The following ACSL1 variants were observed in gnomAD, a reference collection of about 807,000 sequenced individuals.
ACSL1 encodes the protein long-chain-fatty-acid--CoA ligase 1.
Under a neutral mutation model 98.4 loss-of-function variants are expected in ACSL1, and 41 were observed. That is an observed-to-expected ratio of 0.42 (90% confidence interval 0.32 to 0.54). The LOEUF is 0.54. ACSL1 is among the 20% of genes least tolerant of loss of function. The pLI is 0.13. For synonymous variants in ACSL1, 316 were observed against 322.7 expected, an observed-to-expected ratio of 0.98 and a Z score of 0.22; for missense variants, 734 against 883.1, an observed-to-expected ratio of 0.83 and a Z score of 2.14.
intron 2 of ACSL1, among the ~76,000 whole-genome samples, chr4:184,791,144 G>T (rs1768278975): frequency 6.6e-6 from 1 of 152,214 alleles, no homozygotes; most frequent in Non-Finnish European, 1.5e-5. Flanking sequence ...TATACCTCTT[G>T]ACACAACAGA....
chr4:184,792,003 G>T (rs1054671248), intron 2 of ACSL1, among the ~76,000 whole-genome samples: 2 of 152,154 alleles, frequency 1.3e-5, no homozygotes, highest in African/African-American at 4.8e-5. Context: ...CACTGCTCTG[G>T]AGGACCATTT....
intron 5 of ACSL1, among the ~76,000 whole-genome samples, chr4:184,779,997 C>T (rs538337332): frequency 1.3e-5 from 2 of 152,172 alleles, no homozygotes; most frequent in East Asian, 1.9e-4. Flanking sequence ...CTCAGCCTCC[C>T]GAGTAGCTGG....
chr4:184,815,349 G>A (rs1183433811), intron 1 of ACSL1, among the ~76,000 whole-genome samples: 1 of 152,168 alleles, frequency 6.6e-6, no homozygotes. Flanking sequence ...ACCGTCAGGA[G>A]CCTCTGCCTC....
In ACSL1 at chr4:184,773,966, T is replaced by C. The variant is rs1299605742; in HGVS notation, c.757-91A>G. 6.9e-7 allele frequency: 1 copy of C among 1,445,244 alleles called. No homozygotes were observed. The highest frequency in any genetic ancestry group is 9.6e-7 in the Non-Finnish European group (1 of 1,037,482). The allele number at this position is 1,445,244 out of a possible 1,614,324, so 89.5% of individuals were successfully genotyped here. ...TCGAGTCACTTAAAGCTGGCTTTAC[T>C]GTGGGGTTCATTCACACCTGGCTCG... On this transcript the variant is annotated intron_variant, in intron 7 of 20. Transcript: ENST00000281455. This position sits in a 1 kb window ranked among gnomAD's most constrained non-coding sequence, Gnocchi z 4.3.
intron 10 of ACSL1, among the ~76,000 whole-genome samples, chr4:184,772,821 T>C (rs540327366): frequency 5.9e-5 from 9 of 152,334 alleles, no homozygotes; most frequent in Admixed American, 5.9e-4. Flanking sequence ...AATATCCAAA[T>C]AGAGTTTCTC....
At chr4:184,762,575 G>GA (rs776334981) in intron 16 of ACSL1, 52 bp from the exon 17 acceptor site, 1 of 1,506,406 alleles carries the variant, frequency 6.6e-7, no homozygotes, top group Non-Finnish European at 9.2e-7. Flanking sequence ...TTTTTCCAGA[G>GA]AAAACTGGTG....
intron 2 of ACSL1, among the ~76,000 whole-genome samples, chr4:184,796,646 AC>A (rs1769423148): frequency 1.3e-5 from 2 of 152,224 alleles, no homozygotes; most frequent in African/African-American, 4.8e-5. Flanking sequence ...ATGCCTAAAA[AC>A]ATCCCAGATT....
chr4:184,773,209 G>C lies in ACSL1; in HGVS notation c.842-55C>G. The C allele has an allele frequency of 6.6e-7, 1 of 1,509,744 alleles. No homozygotes were observed. Among genetic ancestry groups the C allele is most frequent in the Non-Finnish European group, 9.2e-7 (1 of 1,089,298 alleles). The allele number at this position is 1,509,744 out of a possible 1,614,324, so 93.5% of individuals were successfully genotyped here. On this transcript the variant is annotated intron_variant, in intron 9 of 20. Coordinates refer to ENST00000281455, the MANE Select transcript of ACSL1 (RefSeq NM_001995.5). This position sits in a 1 kb window ranked among gnomAD's most constrained non-coding sequence, Gnocchi z 4.3. ...TTAAAGAATGACAGAAATGAAGGAG[G>C]CCCAGAAACCTCACATAATTAGGGC... is the stretch of plus-strand genomic sequence containing the variant.
intron 2 of ACSL1, among the ~76,000 whole-genome samples, chr4:184,789,634 C>T (rs972363947): frequency 9.9e-5 from 15 of 152,208 alleles, no homozygotes; most frequent in East Asian, 1.9e-4. Flanking sequence ...TTCTCTAAGT[C>T]GTCTTCATCT....
chr4:184,765,767 T>C, intron 14 of ACSL1, 124 bp downstream of exon 14: 1 of 744,830 alleles, frequency 1.3e-6, no homozygotes, highest in South Asian at 2.1e-5. Flanking sequence ...ACGCCATAAA[T>C]ATAGATACGC....
At chr4:184,780,470 G>C in intron 4 of ACSL1, 37 bp from the exon 5 acceptor site, 1 of 1,514,364 alleles carries the variant, frequency 6.6e-7, no homozygotes, top group Non-Finnish European at 9.1e-7. Flanking sequence ...GCAGCATTGG[G>C]CCCCAACTCC....
At chr4:184,820,633 CTCACTCTG>C (rs1465596616) in intron 1 of ACSL1, among the ~76,000 whole-genome samples, 1 of 152,114 alleles carries the variant, frequency 6.6e-6, no homozygotes, top group South Asian at 2.1e-4. Context: ...GAGACAGAGT[CTCACTCTG>C]TCACCCAGGC....
rs1045129869 is a variant in ACSL1 at position 184,825,346 on chromosome 4, T to C, written c.-33+570A>G. Reference sequence around the variant, plus strand: ...AGTGCAAGGGCCACGGGCACTCCTCTGGAGTCACCGAGAGAATGTCTGCCT... The same window carrying C: ...AGTGCAAGGGCCACGGGCACTCCTCCGGAGTCACCGAGAGAATGTCTGCCT... On this transcript the variant is annotated intron_variant, in intron 1 of 20. Coordinates refer to ENST00000281455, the MANE Select transcript of ACSL1 (RefSeq NM_001995.5). The surrounding 1 kb of genome is among the most constrained non-coding windows in gnomAD (Gnocchi z 4.7). 1 of 641,244 alleles carries C rather than the reference T, an allele frequency of 1.6e-6. No individual in the cohort carries two copies. The highest frequency in any genetic ancestry group is 2.0e-5 in the African/African-American group (1 of 50,528). 39.7% of individuals were successfully genotyped at this position (641,244 alleles called of 1,614,324 possible).
chr4:184,825,184 T>A lies in ACSL1; in HGVS notation c.-33+732A>T, dbSNP rs1205804299. 3.0e-6 allele frequency: 3 copies of A among 985,320 alleles called. No homozygotes were observed. Among genetic ancestry groups the A allele is most frequent in the Non-Finnish European group, 3.6e-6 (3 of 829,908 alleles). The allele number at this position is 985,320 out of a possible 1,614,324, so 61.0% of individuals were successfully genotyped here. On this transcript the variant is annotated intron_variant, in intron 1 of 20. Coordinates refer to ENST00000281455, the MANE Select transcript of ACSL1 (RefSeq NM_001995.5). This position sits in a 1 kb window ranked among gnomAD's most constrained non-coding sequence, Gnocchi z 4.7. ...AACGCACCGACTGGGGGAACGCCTGTCCCCAGACTCGAATCCACGTGTCCA... is the reference window on the plus strand; with the variant it reads ...AACGCACCGACTGGGGGAACGCCTGACCCCAGACTCGAATCCACGTGTCCA...
chr4:184,791,813 G>A (rs1768423473), intron 2 of ACSL1, among the ~76,000 whole-genome samples: 2 of 152,126 alleles, frequency 1.3e-5, no homozygotes, highest in South Asian at 4.1e-4. Context: ...AGGTAATGGG[G>A]TGTAAGCAGA....
At position 184,757,364 on chromosome 4, in the gene ACSL1, C is replaced by G; in HGVS notation, c.1957-99G>C. ...AGGGGATCAACACTCTCCAGCCATC[C>G]AATCCATCCTCTCATTTCAGCCAAG... On this transcript the variant is annotated intron_variant, in intron 20 of 20. Coordinates refer to ENST00000281455, the MANE Select transcript of ACSL1 (RefSeq NM_001995.5). This position sits in a 1 kb window ranked among gnomAD's most constrained non-coding sequence, Gnocchi z 4.5. 7.1e-7 allele frequency: 1 copy of G among 1,413,874 alleles called. No individual in the cohort carries two copies. 87.6% of individuals were successfully genotyped at this position (1,413,874 alleles called of 1,614,324 possible).
Position 184,776,591 on chromosome 4 carries a change from A to T in ACSL1, c.649T>A (p.Leu217Ile), listed in dbSNP as rs1243012105. 2 of 1,613,902 alleles carry T rather than the reference A, an allele frequency of 1.2e-6. No individual in the cohort carries two copies. The highest frequency in any genetic ancestry group is 1.7e-6 in the Non-Finnish European group (2 of 1,179,978). ...KLLLEGVENK[L>I]IPGLKIIVVM... ...ACTATGATTTTAAGGCCTGGTATTA[A>T]CTTATTTTCTACACCCTCTAATAAG... is the stretch of plus-strand genomic sequence containing the variant. Residue 217 changes from leucine to isoleucine, a missense_variant, in exon 7 of 21, where the codon TTA becomes ATA. Coordinates refer to ENST00000281455, the MANE Select transcript of ACSL1 (RefSeq NM_001995.5).
chr4:184,762,388 T>C lies in ACSL1; in HGVS notation c.1638+19A>G, dbSNP rs200292208. Reference sequence around the variant, plus strand: ...CAGTGGAACTGAACTGTTTGTGACCTGAGGAGGCGGCAACTTACTGGTAAC... The same window carrying C: ...CAGTGGAACTGAACTGTTTGTGACCCGAGGAGGCGGCAACTTACTGGTAAC... On this transcript the variant is annotated intron_variant, in intron 17 of 20. Transcript: ENST00000281455. 7 of 1,588,268 alleles carry C rather than the reference T, an allele frequency of 4.4e-6. No homozygotes were observed. The East Asian group carries it at 6.7e-5, about 15-fold the overall frequency.
chr4:184,800,879 G>T (rs1006982196), intron 2 of ACSL1, among the ~76,000 whole-genome samples: 1 of 152,176 alleles, frequency 6.6e-6, no homozygotes, highest in Non-Finnish European at 1.5e-5. Flanking sequence ...TAGGGACAAG[G>T]TCTCGCTCTG....
Sources: gnomAD v4.1 joint callset for allele counts (sites outside exome capture counted in the v4.1 genomes callset) on GRCh38, gnomAD v4.1.1 for gene constraint, Gnocchi (gnomAD v3.1) non-coding constraint, MANE v1.5 for transcripts, NCBI Gene and HGNC (gene_info 2026-07-23, HGNC 2026-07-21) for gene names.